The following NUP153 variants were observed in gnomAD, a reference collection of about 807,000 sequenced individuals.
NUP153 encodes the protein nuclear pore complex protein Nup153.
A neutral mutation model predicts 134.6 loss-of-function variants in NUP153; 27 were observed. The ratio of observed to expected loss-of-function variants is 0.20; its 90% confidence interval spans 0.15 to 0.28. The LOEUF (loss-of-function observed/expected upper bound fraction) is 0.28, where lower values mean the gene tolerates loss of function less well. NUP153 is among the 10% of genes least tolerant of loss of function. The probability of loss-of-function intolerance (pLI) is 1.00; values close to 1 mark genes in which losing one functional copy is unlikely to be tolerated. For missense variants in NUP153, 1,821 were observed against 1,731.3 expected, an observed-to-expected ratio of 1.05 and a Z score of -0.92; for synonymous variants, 640 against 623.5, an observed-to-expected ratio of 1.03 and a Z score of -0.40.
chr6:17,696,195 A>C (rs1581779729), intron 1 of NUP153, among the ~76,000 whole-genome samples: 1 of 152,190 alleles, frequency 6.6e-6, no homozygotes. Context: ...CTGGAGAGGT[A>C]CCTCCTTGAC....
chr6:17,653,328 A>ACTAT (rs1283239178), intron 11 of NUP153, among the ~76,000 whole-genome samples: 4 of 152,178 alleles, frequency 2.6e-5, no homozygotes, highest in Admixed American at 6.5e-5. Context: ...AGAACACAAT[A>ACTAT]CTATTAGTCA....
intron 1 of NUP153, among the ~76,000 whole-genome samples, chr6:17,692,231 G>A (rs370206461): frequency 6.6e-6 from 1 of 152,178 alleles, no homozygotes; most frequent in East Asian, 1.9e-4. Flanking sequence ...ATTACAGACC[G>A]ATTTTCTATA....
Position 17,675,490 on chromosome 6 carries a change from C to G in NUP153, c.583+32G>C. ...AACCCATAAAATTTAATGTTACTAC[C>G]CAAATTATGTACTACCACATGTCAA... On this transcript the variant is annotated intron_variant, in intron 3 of 21. Coordinates refer to ENST00000262077, the MANE Select transcript of NUP153 (RefSeq NM_005124.4). The surrounding 1 kb of genome is among the most constrained non-coding windows in gnomAD (Gnocchi z 4.4). The G allele has an allele frequency of 6.2e-7, 1 of 1,608,766 alleles. No individual in the cohort carries two copies. The highest frequency in any genetic ancestry group is 1.1e-5 in the South Asian group (1 of 89,784).
chr6:17,636,160 CCT>C (rs1193333575), intron 16 of NUP153, among the ~76,000 whole-genome samples: 1 of 152,068 alleles, frequency 6.6e-6, no homozygotes, highest in Non-Finnish European at 1.5e-5. Context: ...ATGGCGAAAC[CCT>C]GTCTCTACTA....
In NUP153 at chr6:17,688,572, C is replaced by T; in HGVS notation, c.158G>A (p.Gly53Glu). The T allele has an allele frequency of 6.2e-7, 1 of 1,614,006 alleles. No homozygotes were observed. The highest frequency in any genetic ancestry group is 1.7e-5 in the Admixed American group (1 of 60,000). The change falls in exon 2 of 22, where the codon GGG becomes GAG. Residue 53 changes from glycine (G) to glutamate (E), a missense_variant. Coordinates refer to ENST00000262077, the MANE Select transcript of NUP153 (RefSeq NM_005124.4). ...CTTGTTGAAGTATCTTTGTAGCCAC[C>T]CTGGCACAATATTCTTAACAGATTC... ...VTESVKNIVP[G>E]WLQRYFNKNE...
rs988634040 is a variant in NUP153 at position 17,628,585 on chromosome 6, A to C, written c.3544+70T>G. The C allele has an allele frequency of 5.8e-6, 5 of 860,244 alleles. No homozygotes were observed. Among genetic ancestry groups the C allele is most frequent in the Non-Finnish European group, 7.6e-6 (5 of 655,504 alleles). The allele number at this position is 860,244 out of a possible 1,614,324, so 53.3% of individuals were successfully genotyped here. A position where few individuals can be genotyped will look rare whatever the true frequency, so the allele number is the denominator to read the frequency against. ...ATTAATTGACTTGCTGCATCTGTCAAGGCAACTTGTAAAACGACAACTTGT... is the reference window on the plus strand; with the variant it reads ...ATTAATTGACTTGCTGCATCTGTCACGGCAACTTGTAAAACGACAACTTGT... On this transcript the variant is annotated intron_variant, in intron 18 of 21. Coordinates refer to ENST00000262077, the MANE Select transcript of NUP153 (RefSeq NM_005124.4). This position sits in a 1 kb window ranked among gnomAD's most constrained non-coding sequence, Gnocchi z 5.4.
At chr6:17,698,261 T>C (rs923000561) in intron 1 of NUP153, among the ~76,000 whole-genome samples, 4 of 152,260 alleles carry the variant, frequency 2.6e-5, no homozygotes, top group Admixed American at 2.0e-4. Flanking sequence ...ATACAACCAA[T>C]AATGTCTTAG....
At position 17,625,476 on chromosome 6, in the gene NUP153, G is replaced by A. The variant is rs1429817933; in HGVS notation, c.3901+332C>T. Among the ~76,000 whole-genome samples, 4 of 152,172 alleles carry A rather than the reference G, an allele frequency of 2.6e-5. No homozygotes were observed. Among genetic ancestry groups the A allele is most frequent in the Admixed American group, 2.6e-4 (4 of 15,266 alleles). On this transcript the variant is annotated intron_variant, in intron 19 of 21. Transcript: ENST00000262077. This position sits in a 1 kb window ranked among gnomAD's most constrained non-coding sequence, Gnocchi z 4.7. Reference sequence around the variant, plus strand: ...ACTCGGGAGAGGCAGGTTGCAGTGAGCTGAGATTGCACCACTGCACTCCAG... The same window carrying A: ...ACTCGGGAGAGGCAGGTTGCAGTGAACTGAGATTGCACCACTGCACTCCAG...
chr6:17,644,023 T>C (rs1001230331), intron 14 of NUP153, among the ~76,000 whole-genome samples: 11 of 152,102 alleles, frequency 7.2e-5, no homozygotes, highest in Admixed American at 7.2e-4. Flanking sequence ...CTTATTAATT[T>C]CTATTACGTA....
chr6:17,649,334 C>T (rs775153651), intron 11 of NUP153, 34 bp from the exon 12 acceptor site: 2 of 1,585,638 alleles, frequency 1.3e-6, no homozygotes, highest in Admixed American at 3.6e-5. Flanking sequence ...TATATTTCAT[C>T]TTTCACATCA....
chr6:17,625,398 C>T lies in NUP153; in HGVS notation c.3901+410G>A, dbSNP rs990130120. On this transcript the variant is annotated intron_variant, in intron 19 of 21. Coordinates refer to ENST00000262077, the MANE Select transcript of NUP153 (RefSeq NM_005124.4). The surrounding 1 kb of genome is among the most constrained non-coding windows in gnomAD (Gnocchi z 4.7). Reference sequence around the variant, plus strand: ...TACAAAAATTAGGTGGGTGTGGTGGCGGGCACCTGTAATCCCAGCTACTCA... The same window carrying T: ...TACAAAAATTAGGTGGGTGTGGTGGTGGGCACCTGTAATCCCAGCTACTCA... 7.2e-5 allele frequency among the ~76,000 whole-genome samples: 11 copies of T among 151,998 alleles called. No homozygotes were observed. Among genetic ancestry groups the T allele is most frequent in the Admixed American group, 5.2e-4 (8 of 15,246 alleles).
rs1393376109 is a variant in NUP153 at position 17,675,699 on chromosome 6, G to C, written c.406C>G (p.Leu136Val). The stretch of plus-strand genomic sequence containing the variant: ...GGGGATTCCAACATGGAAAAATTCA[G>C]ATGGCTCCGATGAAGAGAAGGCCTT... ...LTRPSLHRSH[L>V]NFSMLESPAL... Residue 136 changes from leucine (L) to valine (V), a missense_variant, in exon 3 of 22, where the codon CTG becomes GTG. Coordinates refer to ENST00000262077, the MANE Select transcript of NUP153 (RefSeq NM_005124.4). The surrounding 1 kb of genome is among the most constrained non-coding windows in gnomAD (Gnocchi z 4.4). 2 of 1,614,134 alleles carry C rather than the reference G, an allele frequency of 1.2e-6. No individual in the cohort carries two copies. Among genetic ancestry groups the C allele is most frequent in the East Asian group, 4.5e-5 (2 of 44,876 alleles).
intron 2 of NUP153, among the ~76,000 whole-genome samples, chr6:17,685,543 C>G (rs1768871697): frequency 1.5e-5 from 2 of 129,980 alleles, no homozygotes; most frequent in Admixed American, 1.6e-4. Flanking sequence ...AGCAAGACTC[C>G]GTCTCAAAAA....
Position 17,632,845 on chromosome 6 carries a change from C to CAAAA in NUP153, c.2465-2_2465-1insTTTT. ...CTACTTGAAGCAGGTACTGAACTTC[C>CAAAA]TAAAAAAAAAAAAAAAAACGGGGAG... On this transcript the variant is annotated splice_acceptor_variant, in intron 16 of 21. Transcript: ENST00000262077. LOFTEE classifies it high-confidence loss of function. 24 of 999,186 alleles carry CAAAA rather than the reference C, an allele frequency of 2.4e-5. No homozygotes were observed. The highest frequency in any genetic ancestry group is 3.1e-5 in the Non-Finnish European group (23 of 743,330). 61.9% of individuals were successfully genotyped at this position (999,186 alleles called of 1,614,324 possible).
chr6:17,652,281 G>A (rs957641138), intron 11 of NUP153, among the ~76,000 whole-genome samples: 1 of 151,876 alleles, frequency 6.6e-6, no homozygotes, highest in African/African-American at 2.4e-5. Flanking sequence ...ACCATACAGT[G>A]AACTATAAAA....
At chr6:17,627,206 T>C (rs181588350) in intron 18 of NUP153, among the ~76,000 whole-genome samples, 2 of 152,304 alleles carry the variant, frequency 1.3e-5, no homozygotes, top group East Asian at 3.9e-4. Flanking sequence ...TGGTTAAGAG[T>C]GTCTACCATA....
chr6:17,615,865 TA>T lies in NUP153; in HGVS notation c.*231del. The T allele has an allele frequency of 2.1e-6, 1 of 469,026 alleles. No individual in the cohort carries two copies. The allele number at this position is 469,026 out of a possible 1,614,324, so 29.1% of individuals were successfully genotyped here. On this transcript the variant is annotated 3_prime_UTR_variant, in exon 22 of 22. Coordinates refer to ENST00000262077, the MANE Select transcript of NUP153 (RefSeq NM_005124.4). The surrounding 1 kb of genome is among the most constrained non-coding windows in gnomAD (Gnocchi z 5.7). ...AATCAGTGAATAATCTGCTGGATCA[TA>T]AAATATTTTTGCTGAAGAATCAGTC...
intron 14 of NUP153, among the ~76,000 whole-genome samples, chr6:17,640,561 T>A (rs945248851): frequency 6.6e-6 from 1 of 152,234 alleles, no homozygotes; most frequent in Non-Finnish European, 1.5e-5. Flanking sequence ...TAAGGGTATA[T>A]GGTTACATAA....
intron 11 of NUP153, among the ~76,000 whole-genome samples, chr6:17,655,164 G>C (rs1766739560): frequency 6.6e-6 from 1 of 152,134 alleles, no homozygotes; most frequent in African/African-American, 2.4e-5. Context: ...TGATTGGTAG[G>C]ACAGTAAAAG....
Sources: gnomAD v4.1 joint callset for allele counts (sites outside exome capture counted in the v4.1 genomes callset) on GRCh38, gnomAD v4.1.1 for gene constraint, Gnocchi (gnomAD v3.1) non-coding constraint, MANE v1.5 for transcripts, NCBI Gene and HGNC (gene_info 2026-07-23, HGNC 2026-07-21) for gene names.